MCTP1: variants seen among roughly 807,000 people sequenced by gnomAD.
MCTP1 encodes multiple C2 and transmembrane domain-containing protein 1.
MCTP1 carries 69 observed loss-of-function variants against 120.6 expected under a neutral mutation model. That is an observed-to-expected ratio of 0.57 (90% CI 0.47 to 0.70). The LOEUF (loss-of-function observed/expected upper bound fraction) is 0.70, where lower values mean the gene tolerates loss of function less well. Ranked by LOEUF, MCTP1 falls within the 30% of genes least tolerant of loss-of-function variation. The pLI is 0.00. For missense variants in MCTP1, 1,203 were observed against 1,248.8 expected (o/e 0.96, Z 0.55); for synonymous variants, 529 against 493.1 (o/e 1.07, Z -0.96).
intron 1 of MCTP1, among the ~76,000 whole-genome samples, chr5:95,027,654 G>A (rs975592134): frequency 6.6e-6 from 1 of 152,148 alleles, no homozygotes; most frequent in Admixed American, 6.5e-5. Context: ...ATATTGGACA[G>A]GAGAGTGAAG....
Position 94,870,885 on chromosome 5 carries a change from A to G in MCTP1, c.2228T>C (p.Val743Ala). The change falls in exon 15 of 23, where the codon GTG (valine) becomes GCG (alanine). Residue 743 changes from valine (V) to alanine (A), a missense_variant. Val to Ala is a moderately conservative substitution (Grantham distance 64). Transcript: ENST00000515393. Reference sequence around the variant, plus strand: ...GTTAAGACTTACAGCATTAAAAATCACATCTATTTCAAGATAGATGACCCC... The same window carrying G: ...GTTAAGACTTACAGCATTAAAAATCGCATCTATTTCAAGATAGATGACCCC... ...TKGVIYLEID[V>A]IFNAVKASLR... 6.2e-7 allele frequency: 1 copy of G among 1,609,922 alleles called. No homozygotes were observed. The highest frequency in any genetic ancestry group is 1.1e-5 in the South Asian group (1 of 90,990).
At position 95,226,900 on chromosome 5, in the gene MCTP1, G is replaced by A. The variant is rs570767997; in HGVS notation, c.720+56956C>T. ...ATTTCCTGAAGCAATTAACAAAACAGCTATGCAATATCAGATAAAGGGGAG... is the reference window on the plus strand; with the variant it reads ...ATTTCCTGAAGCAATTAACAAAACAACTATGCAATATCAGATAAAGGGGAG... On this transcript the variant is annotated intron_variant, in intron 1 of 22. Coordinates refer to ENST00000515393, the MANE Select transcript of MCTP1 (RefSeq NM_024717.7). Among the ~76,000 whole-genome samples, 169 of 152,120 alleles carry A rather than the reference G, an allele frequency of 1.1e-3. 2 individuals carry two copies. Among genetic ancestry groups the A allele is most frequent in the African/African-American group, 3.8e-3 (157 of 41,466 alleles).
chr5:94,949,681 T>C (rs889158417), intron 3 of MCTP1, among the ~76,000 whole-genome samples: 3 of 152,144 alleles, frequency 2.0e-5, no homozygotes, highest in Non-Finnish European at 4.4e-5. Flanking sequence ...GAAATCAGAT[T>C]ACAGGGTACT....
intron 2 of MCTP1, among the ~76,000 whole-genome samples, chr5:95,009,467 A>T (rs1438553351): frequency 6.6e-6 from 1 of 152,038 alleles, no homozygotes; most frequent in Non-Finnish European, 1.5e-5. Flanking sequence ...ACTGTACATC[A>T]CAATTTCATA....
chr5:94,959,606 G>A (rs1368924998), intron 2 of MCTP1, among the ~76,000 whole-genome samples: 1 of 152,132 alleles, frequency 6.6e-6, no homozygotes, highest in Non-Finnish European at 1.5e-5. Flanking sequence ...AAAATCACAA[G>A]CATTCCTATA....
At chr5:95,166,198 C>T (rs1291022303) in intron 1 of MCTP1, 1 of 152,212 alleles carries the variant, frequency 6.6e-6, no homozygotes, top group African/African-American at 2.4e-5. Context: ...GCTTTTTGCA[C>T]TTTTTCCCCT....
Position 95,002,265 on chromosome 5 carries a change from C to T in MCTP1, c.838+15102G>A, listed in dbSNP as rs150314392. Among the ~76,000 whole-genome samples, 1,457 of 152,268 alleles carry T rather than the reference C, an allele frequency of 9.6e-3. 10 individuals are homozygous for T. The highest frequency in any genetic ancestry group is 0.012 in the Non-Finnish European group (846 of 68,006). ...GCTAGGGCAGTGTGGAAGGGAAATG[C>T]GGGGTTGGAGCCTCGACACAGAGTC... On this transcript the variant is annotated intron_variant, in intron 2 of 22. Coordinates refer to ENST00000515393, the MANE Select transcript of MCTP1 (RefSeq NM_024717.7).
At chr5:95,275,663 T>C (rs1275315836) in intron 1 of MCTP1, among the ~76,000 whole-genome samples, 1 of 152,230 alleles carries the variant, frequency 6.6e-6, no homozygotes, top group Admixed American at 6.5e-5. Flanking sequence ...GGATATTTCA[T>C]ATTCTTTTCT....
At chr5:94,838,526 A>G (rs1408453497) in intron 17 of MCTP1, among the ~76,000 whole-genome samples, 1 of 152,164 alleles carries the variant, frequency 6.6e-6, no homozygotes, top group Admixed American at 6.5e-5. Context: ...GAGTCAGAGA[A>G]CAATACTGGA....
At chr5:95,207,928 CGA>C (rs753843212) in intron 1 of MCTP1, among the ~76,000 whole-genome samples, 65 of 84,388 alleles carry the variant, frequency 7.7e-4, no homozygotes, top group Non-Finnish European at 6.1e-4. Context: ...AATGAGCGGG[CGA>C]GAGAGAGAGA....
At chr5:95,257,718 C>T (rs1195946597) in intron 1 of MCTP1, among the ~76,000 whole-genome samples, 2 of 150,962 alleles carry the variant, frequency 1.3e-5, no homozygotes, top group African/African-American at 2.4e-5. Context: ...ATTTCTAAGA[C>T]TAGAGCAGGA....
At chr5:94,725,556 T>TAAA (rs1761947634) in intron 19 of MCTP1, among the ~76,000 whole-genome samples, 1 of 152,258 alleles carries the variant, frequency 6.6e-6, no homozygotes. Context: ...ATTGTTTACT[T>TAAA]CATTTTCAAA....
intron 17 of MCTP1, among the ~76,000 whole-genome samples, chr5:94,804,021 G>A (rs255342): frequency 0.9 from 136,413 of 152,254 alleles, 61,492 homozygotes; most frequent in African/African-American, 0.96. Context: ...AAAGCCACCT[G>A]ACAGACCAAG....
At chr5:94,925,884 T>C (rs1388206148) in intron 6 of MCTP1, among the ~76,000 whole-genome samples, 3 of 152,318 alleles carry the variant, frequency 2.0e-5, no homozygotes, top group African/African-American at 4.8e-5. Flanking sequence ...ATTGGGAATA[T>C]CTTATTTGTT....
At chr5:94,725,971 T>C (rs187832874) in intron 19 of MCTP1, among the ~76,000 whole-genome samples, 8 of 152,302 alleles carry the variant, frequency 5.3e-5, no homozygotes, top group Admixed American at 3.9e-4. Context: ...TTGTATTAAA[T>C]CTTAATAAAG....
At chr5:95,165,130 G>A (rs1419578213) in intron 1 of MCTP1, among the ~76,000 whole-genome samples, 7 of 152,134 alleles carry the variant, frequency 4.6e-5, no homozygotes, top group Middle Eastern at 3.2e-3. Context: ...GCTGAGTGGT[G>A]ACTTCCCAGA....
chr5:95,005,997 C>A (rs1381040487), intron 2 of MCTP1, among the ~76,000 whole-genome samples: 2 of 152,126 alleles, frequency 1.3e-5, no homozygotes, highest in Non-Finnish European at 2.9e-5. Context: ...CACCCCCACT[C>A]TCACAAAGAC....
rs372577711 is a variant in MCTP1, at chr5:94,892,218, G to T, written c.1839+2431C>A. Among the ~76,000 whole-genome samples the T allele has an allele frequency of 5.9e-5, 9 of 152,188 alleles. No homozygotes were observed. The South Asian group carries it at 1.9e-3, about 32-fold the overall frequency. On this transcript the variant is annotated intron_variant, in intron 11 of 22. Coordinates refer to ENST00000515393, the MANE Select transcript of MCTP1 (RefSeq NM_024717.7). Reference sequence around the variant, plus strand: ...TGTCACACCACCAGCCTTATGACTCGCTGTCATCTTAGAACCGCTCACCTT... The same window carrying T: ...TGTCACACCACCAGCCTTATGACTCTCTGTCATCTTAGAACCGCTCACCTT...
rs546043541 is a variant in MCTP1 at position 94,868,345 on chromosome 5, G to A, written c.2424C>T (p.Leu808=). The change falls in exon 17 of 23, where the codon CTC becomes CTT. Residue 808 remains leucine, a synonymous_variant. Transcript: ENST00000515393. ...CFDWDSPPRS[L]AAFVLFLFVV... is the part of the protein sequence containing the mutation. ...AGTATGATCATACCACAAAAGCAGC[G>A]AGACTCCTTGGGGGTGAATCCCAAT... 4.4e-6 allele frequency: 7 copies of A among 1,599,066 alleles called. No homozygotes were observed. The highest frequency in any genetic ancestry group is 2.3e-5 in the East Asian group (1 of 44,088).
Sources: gnomAD v4.1 joint callset for allele counts (sites outside exome capture counted in the v4.1 genomes callset) on GRCh38, gnomAD v4.1.1 for gene constraint, MANE v1.5 for transcripts, NCBI Gene and HGNC (gene_info 2026-07-23, HGNC 2026-07-21) for gene names.